Variants in ACER3 observed in about 807,000 individuals in gnomAD.
ACER3 encodes alkaline ceramidase 3.
A neutral mutation model predicts 48.9 loss-of-function variants in ACER3; 16 were observed. The observed-to-expected ratio is 0.33, with a 90% confidence interval of 0.22 to 0.50. ACER3 has a LOEUF of 0.50. Among genes scored for constraint, ACER3 ranks in the 20% least tolerant of loss-of-function variants. The pLI is 0.98. For synonymous variants in ACER3, 109 were observed against 107.8 expected (o/e 1.01, Z -0.07); for missense variants, 227 against 326.0 (o/e 0.70, Z 2.34).
At chr11:76,908,766 AC>A (rs1398767271) in intron 1 of ACER3, among the ~76,000 whole-genome samples, 4 of 152,232 alleles carry the variant, frequency 2.6e-5, no homozygotes, top group African/African-American at 9.6e-5. Flanking sequence ...TTAGAAAAAA[AC>A]AACTTTAAAT....
intron 2 of ACER3, among the ~76,000 whole-genome samples, chr11:76,944,062 G>A (rs1427340810): frequency 1.3e-5 from 2 of 151,684 alleles, no homozygotes; most frequent in Non-Finnish European, 2.9e-5. Context: ...GGTAAGGTGA[G>A]TTTCTTGTAT....
At chr11:76,976,062 G>A (rs1036764105) in intron 3 of ACER3, among the ~76,000 whole-genome samples, 3 of 151,694 alleles carry the variant, frequency 2.0e-5, no homozygotes, top group Non-Finnish European at 2.9e-5. Context: ...TTTTTTAAAA[G>A]TTTTTGTAGA....
intron 2 of ACER3, among the ~76,000 whole-genome samples, chr11:76,935,242 GA>G (rs1212255630): frequency 6.6e-5 from 10 of 152,038 alleles, no homozygotes; most frequent in Admixed American, 5.9e-4. Flanking sequence ...GATTGAAATG[GA>G]AGACAAGCAG....
intron 1 of ACER3, among the ~76,000 whole-genome samples, chr11:76,915,458 C>T (rs978344137): frequency 1.3e-5 from 2 of 152,076 alleles, no homozygotes; most frequent in African/African-American, 4.8e-5. Context: ...GATCGTACTT[C>T]ACCATTTTTG....
chr11:76,922,373 G>C (rs977954089), intron 1 of ACER3, among the ~76,000 whole-genome samples: 3 of 151,990 alleles, frequency 2.0e-5, no homozygotes, highest in African/African-American at 7.3e-5. Context: ...CTTTATCTTA[G>C]TCATCAGTAA....
chr11:76,954,079 T>C (rs10793216), intron 2 of ACER3, among the ~76,000 whole-genome samples: 86,731 of 151,702 alleles, frequency 0.57, 27,968 homozygotes, highest in Non-Finnish European at 0.74. Context: ...TCCCAAGTAG[T>C]TGGGATTACA....
At chr11:76,893,746 A>G (rs1945865375) in intron 1 of ACER3, among the ~76,000 whole-genome samples, 2 of 152,254 alleles carry the variant, frequency 1.3e-5, no homozygotes, top group African/African-American at 2.4e-5. Flanking sequence ...ACTACCATAT[A>G]CATTTTGGTT....
intron 1 of ACER3, among the ~76,000 whole-genome samples, 184 bp downstream of exon 1, chr11:76,861,263 G>C (rs568624538): frequency 3.8e-4 from 57 of 150,322 alleles, no homozygotes; most frequent in African/African-American, 1.3e-3. Context: ...CCAGTGTGTA[G>C]AGGGAGGAGT....
chr11:77,016,075 C>T (rs745660977), intron 8 of ACER3, among the ~76,000 whole-genome samples: 4 of 149,000 alleles, frequency 2.7e-5, no homozygotes, highest in Non-Finnish European at 5.9e-5. Flanking sequence ...CTACTGTACT[C>T]CAGCCTGGGC....
At chr11:76,996,412 T>G (rs1948910620) in intron 6 of ACER3, among the ~76,000 whole-genome samples, 1 of 150,886 alleles carries the variant, frequency 6.6e-6, no homozygotes, top group South Asian at 2.1e-4. Flanking sequence ...ATTATTATTA[T>G]TATTATTATT....
rs145764974 is a variant in ACER3, at chr11:76,983,752, T to A, written c.321-1891T>A. Among the ~76,000 whole-genome samples, 12 of 152,300 alleles carry A rather than the reference T, an allele frequency of 7.9e-5. No individual in the cohort carries two copies. In the East Asian group the frequency reaches 2.3e-3, roughly 29 times the overall value. On this transcript the variant is annotated intron_variant, in intron 4 of 10. Coordinates refer to ENST00000532485, the MANE Select transcript of ACER3 (RefSeq NM_018367.7). Reference sequence around the variant, plus strand: ...TTTTTCTGTTGATTCCTTAGGATATTCTTTGAACATATCAAATATGTGAAG... The same window carrying A: ...TTTTTCTGTTGATTCCTTAGGATATACTTTGAACATATCAAATATGTGAAG...
At chr11:76,983,450 C>T (rs7113778) in intron 4 of ACER3, among the ~76,000 whole-genome samples, 1 of 151,878 alleles carries the variant, frequency 6.6e-6, no homozygotes, top group Non-Finnish European at 1.5e-5. Context: ...CAAGTAGCTG[C>T]GACTACAAGT....
At chr11:77,000,268 C>CT (rs1363035018) in intron 7 of ACER3, among the ~76,000 whole-genome samples, 2 of 152,090 alleles carry the variant, frequency 1.3e-5, no homozygotes, top group African/African-American at 2.4e-5. Flanking sequence ...CCTGGTTTCT[C>CT]TTTTTTTATA....
intron 2 of ACER3, among the ~76,000 whole-genome samples, chr11:76,930,212 G>C (rs1266359087): frequency 6.6e-6 from 1 of 152,104 alleles, no homozygotes; most frequent in East Asian, 1.9e-4. Flanking sequence ...ATGTGTCCAG[G>C]AATTTATCCA....
intron 2 of ACER3, among the ~76,000 whole-genome samples, chr11:76,956,882 T>C (rs1019856900): frequency 6.6e-6 from 1 of 152,166 alleles, no homozygotes; most frequent in African/African-American, 2.4e-5. Flanking sequence ...TTTCCCTCCT[T>C]TCATTTTGAG....
intron 9 of ACER3, chr11:77,019,488 T>C: frequency 2.0e-6 from 1 of 497,248 alleles, no homozygotes; most frequent in East Asian, 3.4e-5. Context: ...AAATATACTC[T>C]GCTTGTGCTC....
intron 1 of ACER3, among the ~76,000 whole-genome samples, chr11:76,909,442 A>C (rs1946314035): frequency 6.6e-6 from 1 of 152,178 alleles, no homozygotes; most frequent in African/African-American, 2.4e-5. Context: ...AAACAACCCC[A>C]TCAAAAAGCG....
chr11:77,009,448 T>C (rs1439692576), intron 7 of ACER3, among the ~76,000 whole-genome samples: 1 of 152,122 alleles, frequency 6.6e-6, no homozygotes, highest in Admixed American at 6.5e-5. Context: ...CATCTCAACA[T>C]GAGATCTGGA....
chr11:76,966,461 C>A (rs1339904332), intron 3 of ACER3, among the ~76,000 whole-genome samples: 2 of 150,164 alleles, frequency 1.3e-5, no homozygotes, highest in East Asian at 3.9e-4. Flanking sequence ...AAGCGGACCT[C>A]ATAGACATCT....
Sources: allele counts gnomAD v4.1 joint callset (sites outside exome capture counted in the v4.1 genomes callset), GRCh38; gene constraint gnomAD v4.1.1; transcripts MANE v1.5; gene names NCBI Gene and HGNC (gene_info 2026-07-23, HGNC 2026-07-21).